HS6ST3: variants seen among roughly 807,000 people sequenced by gnomAD.
HS6ST3 encodes heparan sulfate 6-O-sulfotransferase 3.
HS6ST3 carries 12 observed loss-of-function variants against 36.7 expected under a neutral mutation model. That is an observed-to-expected ratio of 0.33 (90% confidence interval 0.21 to 0.53). The LOEUF is 0.53. Among genes scored for constraint, HS6ST3 ranks in the 20% least tolerant of loss-of-function variants. The probability of loss-of-function intolerance (pLI) is 0.95; values close to 1 mark genes in which losing one functional copy is unlikely to be tolerated. For missense variants in HS6ST3, 584 were observed against 640.9 expected (o/e 0.91, Z 0.96); for synonymous variants, 240 against 257.5 (o/e 0.93, Z 0.65).
At chr13:96,215,189 C>T (rs923484812) in intron 1 of HS6ST3, among the ~76,000 whole-genome samples, 13 of 152,156 alleles carry the variant, frequency 8.5e-5, no homozygotes, top group African/African-American at 2.9e-4. Flanking sequence ...AATATGGACC[C>T]GTTTTGTCCA....
At chr13:96,765,225 A>G (rs954075495) in intron 1 of HS6ST3, among the ~76,000 whole-genome samples, 3 of 151,328 alleles carry the variant, frequency 2.0e-5, no homozygotes, top group Non-Finnish European at 3.0e-5. Context: ...GGCAGCCGCC[A>G]CCGCGCCTGG....
At chr13:96,773,914 C>T (rs529820186) in intron 1 of HS6ST3, among the ~76,000 whole-genome samples, 9 of 152,140 alleles carry the variant, frequency 5.9e-5, no homozygotes, top group Admixed American at 4.6e-4. Flanking sequence ...TGACAGACAC[C>T]TCATACAGGA....
At chr13:96,208,382 T>C (rs758975793) in intron 1 of HS6ST3, among the ~76,000 whole-genome samples, 25 of 152,170 alleles carry the variant, frequency 1.6e-4, no homozygotes, top group Non-Finnish European at 3.1e-4. Flanking sequence ...CTAGCAATGC[T>C]GTAGGGAGCA....
chr13:96,109,591 CTGTT>C (rs1182722330), intron 1 of HS6ST3, among the ~76,000 whole-genome samples: 2 of 152,142 alleles, frequency 1.3e-5, no homozygotes, highest in Non-Finnish European at 2.9e-5. Flanking sequence ...AATCTGATAT[CTGTT>C]TGTTCTGTTC....
chr13:96,590,460 TA>T (rs1768157957), intron 1 of HS6ST3, among the ~76,000 whole-genome samples: 1 of 152,028 alleles, frequency 6.6e-6, no homozygotes, highest in South Asian at 2.1e-4. Flanking sequence ...CATATTTTCA[TA>T]TTTTTTTTTC....
intron 1 of HS6ST3, among the ~76,000 whole-genome samples, chr13:96,634,033 C>T (rs2056540637): frequency 6.6e-6 from 1 of 152,142 alleles, no homozygotes; most frequent in Non-Finnish European, 1.5e-5. Context: ...AGCTCTCTAA[C>T]TCTCCTTCTG....
intron 1 of HS6ST3, among the ~76,000 whole-genome samples, chr13:96,366,439 A>T (rs1036337785): frequency 1.1e-4 from 15 of 134,460 alleles, no homozygotes; most frequent in African/African-American, 4.3e-4. Context: ...ACATAGCAAG[A>T]CCTTGTCTCA....
At chr13:96,209,620 C>A (rs2054388711) in intron 1 of HS6ST3, among the ~76,000 whole-genome samples, 1 of 152,212 alleles carries the variant, frequency 6.6e-6, no homozygotes, top group African/African-American at 2.4e-5. Context: ...GGACCTTCTA[C>A]AGGTTGCCCA....
At chr13:96,403,845 G>C (rs2055463705) in intron 1 of HS6ST3, among the ~76,000 whole-genome samples, 1 of 152,142 alleles carries the variant, frequency 6.6e-6, no homozygotes, top group South Asian at 2.1e-4. Flanking sequence ...ATGGTTCTTA[G>C]GCAAAGACTG....
intron 1 of HS6ST3, among the ~76,000 whole-genome samples, chr13:96,235,133 A>G (rs1018907491): frequency 1.3e-5 from 2 of 152,184 alleles, no homozygotes; most frequent in African/African-American, 2.4e-5. Context: ...ATGTTGTTGG[A>G]AAAATGTGAT....
intron 1 of HS6ST3, among the ~76,000 whole-genome samples, chr13:96,434,354 C>T (rs577406888): frequency 6.6e-6 from 1 of 152,250 alleles, no homozygotes; most frequent in South Asian, 2.1e-4. Flanking sequence ...ATATTTTCTT[C>T]TTATTTTGCT....
intron 1 of HS6ST3, among the ~76,000 whole-genome samples, chr13:96,609,544 T>G (rs1011526845): frequency 1.3e-5 from 2 of 152,140 alleles, no homozygotes; most frequent in African/African-American, 4.8e-5. Flanking sequence ...CATTGTAAAC[T>G]GAGGCATGTG....
chr13:96,678,395 C>T (rs2056706546), intron 1 of HS6ST3, among the ~76,000 whole-genome samples: 1 of 152,102 alleles, frequency 6.6e-6, no homozygotes, highest in African/African-American at 2.4e-5. Flanking sequence ...AGAATAAAGG[C>T]CAGGCTCAGT....
At chr13:96,392,080 G>A (rs9513133) in intron 1 of HS6ST3, among the ~76,000 whole-genome samples, 125,343 of 152,102 alleles carry the variant, frequency 0.82, 52,014 homozygotes, top group Non-Finnish European at 0.87. Flanking sequence ...TTCCAACTCT[G>A]TCCATTCCCT....
At chr13:96,727,698 A>G (rs1876041056) in intron 1 of HS6ST3, among the ~76,000 whole-genome samples, 1 of 152,176 alleles carries the variant, frequency 6.6e-6, no homozygotes, top group African/African-American at 2.4e-5. Flanking sequence ...CACATACCTC[A>G]TGGTTTGGCA....
intron 1 of HS6ST3, among the ~76,000 whole-genome samples, chr13:96,756,796 A>G (rs1876841568): frequency 6.6e-6 from 1 of 152,208 alleles, no homozygotes; most frequent in Non-Finnish European, 1.5e-5. Flanking sequence ...CTGCATATCT[A>G]TCTATCTGTC....
At chr13:96,441,018 A>G (rs1219700151) in intron 1 of HS6ST3, among the ~76,000 whole-genome samples, 1 of 152,112 alleles carries the variant, frequency 6.6e-6, no homozygotes, top group Non-Finnish European at 1.5e-5. Context: ...ATGAAGGTGG[A>G]GCCCTATTGG....
chr13:96,335,588 T>G (rs546150688), intron 1 of HS6ST3, among the ~76,000 whole-genome samples: 2 of 152,196 alleles, frequency 1.3e-5, no homozygotes, highest in Non-Finnish European at 2.9e-5. Flanking sequence ...GGGTGAATGT[T>G]TCCATGGCAA....
intron 1 of HS6ST3, among the ~76,000 whole-genome samples, chr13:96,361,585 T>A (rs896189805): frequency 3.3e-5 from 5 of 152,168 alleles, no homozygotes; most frequent in African/African-American, 1.2e-4. Flanking sequence ...CTGGAAGTGC[T>A]AAAACAGAGA....
Sources: gnomAD v4.1 joint callset for allele counts (sites outside exome capture counted in the v4.1 genomes callset) on GRCh38, gnomAD v4.1.1 for gene constraint, MANE v1.5 for transcripts, NCBI Gene and HGNC (gene_info 2026-07-23, HGNC 2026-07-21) for gene names.